The following KCNIP4 variants were observed in gnomAD, a reference collection of about 807,000 sequenced individuals.
KCNIP4 encodes the protein Kv channel-interacting protein 4.
Under a neutral mutation model 34.0 loss-of-function variants are expected in KCNIP4, and 12 were observed. The ratio of observed to expected loss-of-function variants is 0.35; its 90% CI spans 0.23 to 0.57. The LOEUF is 0.57. Ranked by LOEUF, KCNIP4 falls within the 20% of genes least tolerant of loss-of-function variation. The probability of loss-of-function intolerance (pLI) is 0.83; values close to 1 mark genes in which losing one functional copy is unlikely to be tolerated. For missense variants in KCNIP4, 238 were observed against 311.7 expected, an observed-to-expected ratio of 0.76 and a Z score of 1.78; for synonymous variants, 124 against 102.2, an observed-to-expected ratio of 1.21 and a Z score of -1.29.
intron 1 of KCNIP4, among the ~76,000 whole-genome samples, chr4:21,564,435 C>T (rs1335578861): frequency 6.6e-6 from 1 of 152,142 alleles, no homozygotes; most frequent in African/African-American, 2.4e-5. Context: ...GGAGGACTAA[C>T]ATGTGACTTC....
At chr4:21,909,515 TC>T (rs777994095) in intron 1 of KCNIP4, among the ~76,000 whole-genome samples, 72 of 152,240 alleles carry the variant, frequency 4.7e-4, no homozygotes, top group African/African-American at 1.6e-3. Flanking sequence ...TTCATAGTCT[TC>T]TTTCTAGGCT....
chr4:20,745,129 T>C (rs1321026343), intron 5 of KCNIP4, among the ~76,000 whole-genome samples: 31 of 152,188 alleles, frequency 2.0e-4, no homozygotes, highest in Admixed American at 1.8e-3. Flanking sequence ...TTTGGCCTCT[T>C]CTTGCAGCCC....
chr4:21,722,395 A>C lies in KCNIP4; in HGVS notation c.61+226176T>G, dbSNP rs113677239. On this transcript the variant is annotated intron_variant, in intron 1 of 8. Transcript: ENST00000382152. ...AAAAGAATTTGCAATGAGTTTCAGG[A>C]AATGAGTAGGTTTTTGGCCACTGGG... Among the ~76,000 whole-genome samples, 1,378 of 152,262 alleles carry C rather than the reference A, an allele frequency of 9.1e-3. 24 individuals are homozygous for C. Among genetic ancestry groups the C allele is most frequent in the African/African-American group, 0.032 (1,314 of 41,560 alleles).
intron 3 of KCNIP4, among the ~76,000 whole-genome samples, chr4:20,773,126 T>C (rs985699879): frequency 6.6e-5 from 10 of 152,330 alleles, no homozygotes; most frequent in African/African-American, 2.4e-4. Context: ...GTTGTAGCTT[T>C]TGGAATCTAA....
intron 1 of KCNIP4, among the ~76,000 whole-genome samples, chr4:21,175,434 C>G (rs1489161677): frequency 6.6e-5 from 10 of 152,132 alleles, no homozygotes; most frequent in Admixed American, 3.9e-4. Flanking sequence ...ACACAAATTT[C>G]TTTTTCCTTC....
At chr4:21,262,123 C>G (rs377690665) in intron 1 of KCNIP4, among the ~76,000 whole-genome samples, 1 of 152,164 alleles carries the variant, frequency 6.6e-6, no homozygotes, top group African/African-American at 2.4e-5. Context: ...ATCGCAATGA[C>G]TTCCCATAAA....
rs116379564 is a variant in KCNIP4 at position 21,006,578 on chromosome 4, T to C, written c.62-123869A>G. On this transcript the variant is annotated intron_variant, in intron 1 of 8. Coordinates refer to ENST00000382152, the MANE Select transcript of KCNIP4 (RefSeq NM_025221.6). ...AGCCAAATTATATATGATGTTGTTA[T>C]ACATCAAGAGCTATAATGGAGATGT... Among the ~76,000 whole-genome samples the C allele has an allele frequency of 3.9e-3, 589 of 152,336 alleles. 2 individuals carry two copies. The highest frequency in any genetic ancestry group is 0.014 in the Middle Eastern group (4 of 294).
intron 1 of KCNIP4, among the ~76,000 whole-genome samples, chr4:21,097,525 T>C (rs1441159880): frequency 6.6e-6 from 1 of 152,144 alleles, no homozygotes; most frequent in East Asian, 1.9e-4. Flanking sequence ...CACATTTTGG[T>C]AATTATTACA....
At chr4:21,881,163 A>T (rs1638534281) in intron 1 of KCNIP4, among the ~76,000 whole-genome samples, 1 of 152,172 alleles carries the variant, frequency 6.6e-6, no homozygotes, top group South Asian at 2.1e-4. Context: ...CTCTAGAGAA[A>T]TTTTGCTGTT....
intron 1 of KCNIP4, among the ~76,000 whole-genome samples, chr4:21,201,421 A>T (rs1756484434): frequency 6.6e-6 from 1 of 152,058 alleles, no homozygotes; most frequent in South Asian, 2.1e-4. Context: ...GTGTTGTAGA[A>T]CTCCTAAGTG....
At chr4:21,765,819 G>GAAAAAA (rs374486594) in intron 1 of KCNIP4, among the ~76,000 whole-genome samples, 30 of 95,104 alleles carry the variant, frequency 3.2e-4, no homozygotes, top group Non-Finnish European at 5.5e-4. Context: ...ACCAGGCCGT[G>GAAAAAA]AAAAAAAAAA....
intron 1 of KCNIP4, among the ~76,000 whole-genome samples, chr4:21,184,637 C>T (rs1755082965): frequency 6.6e-6 from 1 of 152,120 alleles, no homozygotes; most frequent in Non-Finnish European, 1.5e-5. Flanking sequence ...CGTTCTCTGC[C>T]ATGATCATTT....
chr4:21,547,916 T>G (rs1404380177), intron 1 of KCNIP4, among the ~76,000 whole-genome samples: 1 of 152,152 alleles, frequency 6.6e-6, no homozygotes, highest in Non-Finnish European at 1.5e-5. Flanking sequence ...ACAAAGTTTG[T>G]GTACACTGAA....
At chr4:21,384,324 G>A (rs1167550846) in intron 1 of KCNIP4, among the ~76,000 whole-genome samples, 1 of 152,134 alleles carries the variant, frequency 6.6e-6, no homozygotes, top group African/African-American at 2.4e-5. Context: ...CTCTATGGGA[G>A]TAGAAGTCTC....
intron 1 of KCNIP4, among the ~76,000 whole-genome samples, chr4:21,922,538 G>T (rs1166921348): frequency 1.3e-5 from 2 of 152,132 alleles, no homozygotes; most frequent in Non-Finnish European, 2.9e-5. Context: ...ACATTTTGGA[G>T]CTAATTCTTT....
chr4:20,849,704 G>A (rs1207758121), intron 3 of KCNIP4, among the ~76,000 whole-genome samples: 1 of 152,136 alleles, frequency 6.6e-6, no homozygotes, highest in Non-Finnish European at 1.5e-5. Context: ...GTTTCCATAT[G>A]TATAAGAACA....
intron 4 of KCNIP4, among the ~76,000 whole-genome samples, chr4:20,754,570 A>C (rs1276572870): frequency 6.6e-6 from 1 of 152,222 alleles, no homozygotes; most frequent in African/African-American, 2.4e-5. Flanking sequence ...ATTTTTAAAA[A>C]TGCAAAGCAA....
At chr4:21,815,943 A>G (rs1721960338) in intron 1 of KCNIP4, among the ~76,000 whole-genome samples, 1 of 152,156 alleles carries the variant, frequency 6.6e-6, no homozygotes, top group Non-Finnish European at 1.5e-5. Flanking sequence ...GATTAACTGT[A>G]TTTACCAATA....
chr4:21,111,233 A>G (rs554940823), intron 1 of KCNIP4, among the ~76,000 whole-genome samples: 2 of 152,314 alleles, frequency 1.3e-5, no homozygotes, highest in South Asian at 2.1e-4. Flanking sequence ...ACATAGGAGA[A>G]AGAGAGAACG....
Sources: gnomAD v4.1 joint callset for allele counts (sites outside exome capture counted in the v4.1 genomes callset) on GRCh38, gnomAD v4.1.1 for gene constraint, MANE v1.5 for transcripts, NCBI Gene and HGNC (gene_info 2026-07-23, HGNC 2026-07-21) for gene names.